RAD51D: variants seen among roughly 807,000 people sequenced by gnomAD.
RAD51D encodes DNA repair protein RAD51 homolog 4.
Under a neutral mutation model 44.1 loss-of-function variants are expected in RAD51D, and 38 were observed. That is an observed-to-expected ratio of 0.86 (90% CI 0.67 to 1.13). RAD51D has a LOEUF of 1.13. Ranked by LOEUF, RAD51D falls within the 50% of genes most tolerant of loss-of-function variation. The probability of loss-of-function intolerance (pLI) is 0.00; values close to 1 mark genes in which losing one functional copy is unlikely to be tolerated. For synonymous variants in RAD51D, 141 were observed against 166.6 expected (o/e 0.85, Z 1.18); for missense variants, 390 against 414.0 (o/e 0.94, Z 0.50).
rs755462340 is a variant in RAD51D, at chr17:35,119,842, G to T, written c.-229C>A. The T allele has an allele frequency of 1.3e-4, 84 of 669,162 alleles. 2 individuals are homozygous for T. Among genetic ancestry groups the T allele is most frequent in the South Asian group, 1.2e-3 (80 of 65,680 alleles). The allele number at this position is 669,162 out of a possible 1,614,324, so 41.5% of individuals were successfully genotyped here. A position where few individuals can be genotyped will look rare whatever the true frequency, so the allele number is the denominator to read the frequency against. On this transcript the variant is annotated 5_prime_UTR_variant, in exon 1 of 10. Coordinates refer to ENST00000345365, the MANE Select transcript of RAD51D (RefSeq NM_002878.4). ...GCGCCCAGAGCCCGCCCGCCGGGTC[G>T]CGCCGCGCTGCCGCTTCCGGGTTCC... is the stretch of plus-strand genomic sequence containing the variant.
intron 3 of RAD51D, among the ~76,000 whole-genome samples, chr17:35,118,270 T>G (rs1254058671): frequency 6.6e-6 from 1 of 152,046 alleles, no homozygotes; most frequent in Non-Finnish European, 1.5e-5. Context: ...CAGGACAGCC[T>G]CCACCCCCCA....
chr17:35,119,381 C>T, intron 1 of RAD51D, 151 bp downstream of exon 1: 2 of 1,017,638 alleles, frequency 2.0e-6, no homozygotes, highest in South Asian at 1.3e-5. Context: ...GCTCCCCACG[C>T]CCACCCTTCC....
In RAD51D at chr17:35,106,406, G is replaced by A. The variant is rs387906843; in HGVS notation, c.556C>T (p.Arg186Ter). The A allele has an allele frequency of 3.1e-5, 50 of 1,612,962 alleles. No individual in the cohort carries two copies. Among genetic ancestry groups the A allele is most frequent in the Middle Eastern group, 1.6e-4 (1 of 6,080 alleles). ...CTCACCTGCTGGGCCACAGTGCCTC[G>A]GAGCTCCTGCAGCACATCCAGCATC... The part of the protein sequence containing the change: ...FQMLDVLQEL[R>*]GTVAQQVTGS... Residue 186 changes from arginine to a stop codon, truncating the protein, a stop_gained, in exon 6 of 10, where the codon CGA becomes TGA. Coordinates refer to ENST00000345365, the MANE Select transcript of RAD51D (RefSeq NM_002878.4). LOFTEE classifies it high-confidence loss of function.
Position 35,100,296 on chromosome 17 carries a change from G to A in RAD51D, c.*657C>T, listed in dbSNP as rs2091519108. On this transcript the variant is annotated 3_prime_UTR_variant, in exon 10 of 10. Coordinates refer to ENST00000345365, the MANE Select transcript of RAD51D (RefSeq NM_002878.4). ...CAGGTCTGAAACCAAATCAGCAAGAGGAAAGGAGGAATAAACTGTTCTTTG... is the reference window on the plus strand; with the variant it reads ...CAGGTCTGAAACCAAATCAGCAAGAAGAAAGGAGGAATAAACTGTTCTTTG... The A allele has an allele frequency of 1.9e-6, 1 of 534,074 alleles. No individual in the cohort carries two copies. Among genetic ancestry groups the A allele is most frequent in the African/African-American group, 1.9e-5 (1 of 53,970 alleles). The allele number at this position is 534,074 out of a possible 1,614,324, so 33.1% of individuals were successfully genotyped here.
At chr17:35,116,716 G>A (rs1026256554) in intron 3 of RAD51D, 48 of 661,578 alleles carry the variant, frequency 7.3e-5, no homozygotes, top group East Asian at 3.6e-4. Flanking sequence ...GGACAGTCTC[G>A]ATTTCCTGAC....
rs983631762 is a variant in RAD51D, at chr17:35,093,515, T to G, written c.*7438A>C. On this transcript the variant is annotated 3_prime_UTR_variant, in exon 10 of 10. Transcript: ENST00000345365. ...AGCAGCTGAAGTGCAGCCGTACAGC[T>G]CCAGGGCATGAGGACCTGGCAGAGA... 6.6e-6 allele frequency: 1 copy of G among 152,210 alleles called. No homozygotes were observed. Among genetic ancestry groups the G allele is most frequent in the Non-Finnish European group, 1.5e-5 (1 of 68,074 alleles). The allele number at this position is 152,210 out of a possible 1,614,324, so 9.4% of individuals were successfully genotyped here.
chr17:35,118,575 A>G lies in RAD51D; in HGVS notation c.189T>C (p.Ala63=), dbSNP rs1597876804. The change falls in exon 3 of 10, where the codon GCT becomes GCC. Residue 63 remains alanine, a synonymous_variant. Coordinates refer to ENST00000345365, the MANE Select transcript of RAD51D (RefSeq NM_002878.4). ...LRRVLLAQFS[A]FPVNGADLYE... ...AGAGATCAGCGCCATTCACGGGGAAAGCCGAGAACTGAGCCAGCAGCACCC... is the reference window on the plus strand; with the variant it reads ...AGAGATCAGCGCCATTCACGGGGAAGGCCGAGAACTGAGCCAGCAGCACCC... 6.2e-7 allele frequency: 1 copy of G among 1,614,202 alleles called. No individual in the cohort carries two copies.
rs11293580 is a variant in RAD51D, at chr17:35,098,409, ATT to A, written c.*2542_*2543del. On this transcript the variant is annotated 3_prime_UTR_variant, in exon 10 of 10. Transcript: ENST00000345365. ...GCCACGACGCCTGGCTAATTTTTGC[ATT>A]TTTTTTTTTTTTTTGAGACGGAGTC... The A allele has an allele frequency of 2.0e-4, 26 of 132,986 alleles. No individual in the cohort carries two copies. The highest frequency in any genetic ancestry group is 4.7e-4 in the South Asian group (2 of 4,216). The allele number at this position is 132,986 out of a possible 1,614,324, so 8.2% of individuals were successfully genotyped here.
chr17:35,109,459 A>C (rs2142443825), intron 3 of RAD51D, among the ~76,000 whole-genome samples: 1 of 152,302 alleles, frequency 6.6e-6, no homozygotes, highest in Admixed American at 6.5e-5. Context: ...ATGCATTATT[A>C]ATTTTATAAG....
rs1315779286 is a variant in RAD51D, at chr17:35,099,278, C to G, written c.*1675G>C. 6.2e-6 allele frequency: 1 copy of G among 161,580 alleles called. No individual in the cohort carries two copies. Among genetic ancestry groups the G allele is most frequent in the Non-Finnish European group, 1.4e-5 (1 of 72,850 alleles). The allele number at this position is 161,580 out of a possible 1,614,324, so 10.0% of individuals were successfully genotyped here. ...CACCTTGAATACCAACTCCAACTGACTGGTAGTGGCCCCCTGGAGTGCTAT... is the reference window on the plus strand; with the variant it reads ...CACCTTGAATACCAACTCCAACTGAGTGGTAGTGGCCCCCTGGAGTGCTAT... On this transcript the variant is annotated 3_prime_UTR_variant, in exon 10 of 10. Transcript: ENST00000345365.
intron 8 of RAD51D, among the ~76,000 whole-genome samples, chr17:35,102,706 T>C (rs1025356725): frequency 6.6e-6 from 1 of 152,064 alleles, no homozygotes; most frequent in Non-Finnish European, 1.5e-5. Flanking sequence ...TATGGAGATA[T>C]GTAAAAATAT....
chr17:35,102,859 A>T (rs994698727), intron 8 of RAD51D, among the ~76,000 whole-genome samples: 1 of 152,188 alleles, frequency 6.6e-6, no homozygotes, highest in Non-Finnish European at 1.5e-5. Context: ...AGATCCATTT[A>T]TATGAAGCTC....
rs56026142 is a variant in RAD51D at position 35,118,568 on chromosome 17, C to T, written c.196G>A (p.Val66Met). The T allele has an allele frequency of 2.6e-4, 420 of 1,614,178 alleles. 1 individual carries two copies. The East Asian group carries it at 8.3e-3, about 32-fold the overall frequency. Residue 66 changes from valine to methionine, a missense_variant, in exon 3 of 10, where the codon GTG (valine) becomes ATG (methionine). Coordinates refer to ENST00000345365, the MANE Select transcript of RAD51D (RefSeq NM_002878.4). ...VLLAQFSAFP[V>M]NGADLYEELK... ...TCCTCGTAGAGATCAGCGCCATTCA[C>T]GGGGAAAGCCGAGAACTGAGCCAGC...
chr17:35,108,082 A>C (rs1170980387), intron 3 of RAD51D, among the ~76,000 whole-genome samples: 1 of 150,646 alleles, frequency 6.6e-6, no homozygotes, highest in African/African-American at 2.4e-5. Context: ...GTTTCCCAAA[A>C]TTTGTCGCTT....
intron 3 of RAD51D, among the ~76,000 whole-genome samples, chr17:35,108,172 G>A (rs1266791647): frequency 6.6e-6 from 1 of 151,458 alleles, no homozygotes. Context: ...TTGAACCCAG[G>A]AGGTGGAGGT....
chr17:35,117,536 C>A (rs566558998), intron 3 of RAD51D, among the ~76,000 whole-genome samples: 1 of 152,332 alleles, frequency 6.6e-6, no homozygotes, highest in African/African-American at 2.4e-5. Flanking sequence ...GCCACCAAGG[C>A]TGGAGTGCAG....
chr17:35,116,005 G>GAAAGAAAGAAAGAAAGAAAGAAAGA (rs1249763609), intron 3 of RAD51D, among the ~76,000 whole-genome samples: 3 of 147,948 alleles, frequency 2.0e-5, no homozygotes, highest in African/African-American at 7.5e-5. Flanking sequence ...AAGAAAGAAA[G>GAAAGAAAGAAAGAAAGAAAGAAAGA]AAAGAAAGGC....
chr17:35,119,816 C>G lies in RAD51D; in HGVS notation c.-203G>C, dbSNP rs767133444. ...CCCGCCCGGGATCCGCCGGGATTCC[C>G]GCGCCCAGAGCCCGCCCGCCGGGTC... On this transcript the variant is annotated 5_prime_UTR_variant, in exon 1 of 10. Transcript: ENST00000345365. 1.4e-6 allele frequency: 1 copy of G among 699,962 alleles called. No homozygotes were observed. Among genetic ancestry groups the G allele is most frequent in the Non-Finnish European group, 2.6e-6 (1 of 389,406 alleles). The allele number at this position is 699,962 out of a possible 1,614,324, so 43.4% of individuals were successfully genotyped here.
chr17:35,100,857 C>T lies in RAD51D; in HGVS notation c.*96G>A, dbSNP rs1317432419. 9.7e-7 allele frequency: 1 copy of T among 1,032,284 alleles called. No homozygotes were observed. The highest frequency in any genetic ancestry group is 1.7e-5 in the Admixed American group (1 of 57,348). The allele number at this position is 1,032,284 out of a possible 1,614,324, so 63.9% of individuals were successfully genotyped here. A position where few individuals can be genotyped will look rare whatever the true frequency, so the allele number is the denominator to read the frequency against. On this transcript the variant is annotated 3_prime_UTR_variant, in exon 10 of 10. Transcript: ENST00000345365. The stretch of plus-strand genomic sequence containing the variant: ...TGGCCAGCCTGAGAACGTCTGTAGT[C>T]ACCAGTGCCAGGTGGCAGTAAACAG...
Sources: allele counts gnomAD v4.1 joint callset (sites outside exome capture counted in the v4.1 genomes callset), GRCh38; gene constraint gnomAD v4.1.1; transcripts MANE v1.5; gene names NCBI Gene and HGNC (gene_info 2026-07-23, HGNC 2026-07-21).